ERMP1: variants seen among roughly 807,000 people sequenced by gnomAD.
ERMP1 encodes Felix-ina.
Under a neutral mutation model 92.0 loss-of-function variants are expected in ERMP1, and 86 were observed. The observed-to-expected ratio is 0.93, with a 90% CI of 0.79 to 1.12. ERMP1 has a LOEUF of 1.12. Ranked by LOEUF, ERMP1 falls within the 50% of genes most tolerant of loss-of-function variation. The pLI is 0.00. For missense variants in ERMP1, 1,342 were observed against 1,116.3 expected (o/e 1.20, Z -2.88); for synonymous variants, 530 against 412.8 (o/e 1.28, Z -3.44).
At chr9:5,816,356 A>T (rs1344344922) in intron 4 of ERMP1, among the ~76,000 whole-genome samples, 2 of 152,182 alleles carry the variant, frequency 1.3e-5, no homozygotes, top group Non-Finnish European at 2.9e-5. Context: ...TTTATCTGAG[A>T]TGATCATCCT....
chr9:5,852,738 G>A (rs1157837894), intron 6 of ERMP1, among the ~76,000 whole-genome samples: 2 of 151,282 alleles, frequency 1.3e-5, no homozygotes, highest in African/African-American at 2.4e-5. Flanking sequence ...AACCTTGTAT[G>A]TATTTTAATA....
chr9:5,800,082 GT>G (rs1828610272), intron 11 of ERMP1, among the ~76,000 whole-genome samples: 1 of 152,084 alleles, frequency 6.6e-6, no homozygotes, highest in Non-Finnish European at 1.5e-5. Flanking sequence ...GCTAGATTAG[GT>G]TAGATGTGAC....
chr9:5,833,114 T>G lies in ERMP1; in HGVS notation c.-87A>C. 5.0e-6 allele frequency: 6 copies of G among 1,199,082 alleles called. No homozygotes were observed. The highest frequency in any genetic ancestry group is 6.6e-6 in the Non-Finnish European group (6 of 910,514). The allele number at this position is 1,199,082 out of a possible 1,614,324, so 74.3% of individuals were successfully genotyped here. ...ACGCCGCCGTCGCTGCCGCAGCGCC[T>G]CCTAGTGAGCGGACGGAAACTGCAG... On this transcript the variant is annotated 5_prime_UTR_variant, in exon 1 of 15. Coordinates refer to ENST00000339450, the MANE Select transcript of ERMP1 (RefSeq NM_024896.3).
At chr9:5,827,080 T>G (rs1829755518) in intron 2 of ERMP1, among the ~76,000 whole-genome samples, 1 of 152,184 alleles carries the variant, frequency 6.6e-6, no homozygotes, top group Non-Finnish European at 1.5e-5. Context: ...ACCAACGACC[T>G]GGAACCACAC....
chr9:5,834,707 G>A (rs943169563), upstream of ERMP1, among the ~76,000 whole-genome samples: 17 of 137,662 alleles, frequency 1.2e-4, no homozygotes, highest in African/African-American at 5.4e-4. Context: ...GTATATATGT[G>A]TGTGTGTGTG....
upstream of ERMP1, among the ~76,000 whole-genome samples, chr9:5,838,024 A>G (rs937575343): frequency 6.6e-6 from 1 of 152,166 alleles, no homozygotes; most frequent in African/African-American, 2.4e-5. Flanking sequence ...CAAAAGGCAC[A>G]TGGGCCAGGA....
At chr9:5,801,945 G>C (rs1331707069) in intron 10 of ERMP1, among the ~76,000 whole-genome samples, 2 of 152,138 alleles carry the variant, frequency 1.3e-5, no homozygotes, top group African/African-American at 4.8e-5. Context: ...TTGGCATCTA[G>C]AAAATCCTAA....
chr9:5,812,040 C>T (rs1245326887), intron 6 of ERMP1, 85 bp downstream of exon 6: 1 of 844,758 alleles, frequency 1.2e-6, no homozygotes, highest in Non-Finnish European at 1.9e-6. Context: ...CTCTAATGCA[C>T]AGGCCACAGA....
chr9:5,801,078 C>G, intron 11 of ERMP1, 98 bp downstream of exon 11: 2 of 1,299,374 alleles, frequency 1.5e-6, no homozygotes, highest in Non-Finnish European at 2.1e-6. Context: ...AATAGGTCAA[C>G]AGCAGAAAAG....
chr9:5,801,470 T>C (rs1053576794), intron 10 of ERMP1, 142 bp from the exon 11 acceptor site: 2 of 664,108 alleles, frequency 3.0e-6, no homozygotes, highest in East Asian at 3.0e-5. Context: ...TACTCTAACA[T>C]CTAGTAAACA....
chr9:5,829,746 G>A (rs549735020), intron 2 of ERMP1, among the ~76,000 whole-genome samples: 5 of 152,268 alleles, frequency 3.3e-5, no homozygotes, highest in South Asian at 2.1e-4. Flanking sequence ...TCTGATCAGC[G>A]ATGACCAGCT....
chr9:5,854,867 A>G (rs1247057301), intron 6 of ERMP1, among the ~76,000 whole-genome samples: 1 of 152,146 alleles, frequency 6.6e-6, no homozygotes. Context: ...ATCTTTCAAC[A>G]TTTATGTAGG....
chr9:5,838,310 G>C (rs1354483648), intron 6 of ERMP1, among the ~76,000 whole-genome samples: 3 of 152,132 alleles, frequency 2.0e-5, no homozygotes, highest in East Asian at 3.9e-4. Flanking sequence ...GGAAGGTCGA[G>C]GGGGGTGAAT....
chr9:5,858,391 A>C (rs937808992), intron 6 of ERMP1, among the ~76,000 whole-genome samples: 24 of 152,230 alleles, frequency 1.6e-4, no homozygotes, highest in African/African-American at 5.1e-4. Context: ...TACGAGGACA[A>C]GCAAGACTTG....
At chr9:5,852,858 A>C (rs558133105) in intron 6 of ERMP1, among the ~76,000 whole-genome samples, 9 of 152,282 alleles carry the variant, frequency 5.9e-5, no homozygotes, top group Admixed American at 5.2e-4. Flanking sequence ...AAATGAGATA[A>C]AAATCCTTTC....
Position 5,864,546 on chromosome 9 carries a change from C to G in ERMP1, n.3055+3256G>C, listed in dbSNP as rs191453989. Reference sequence around the variant, plus strand: ...GGGAGGGGGGCGAGCGGGTATTTGACCCTTCTAAAAGCCTCAAGTGAAGGG... The same window carrying G: ...GGGAGGGGGGCGAGCGGGTATTTGAGCCTTCTAAAAGCCTCAAGTGAAGGG... On this transcript the variant is annotated intron_variant and non_coding_transcript_variant, in intron 5 of 6. Coordinates refer to the ERMP1 transcript ENST00000690753. Among the ~76,000 whole-genome samples the G allele has an allele frequency of 3.9e-5, 6 of 152,308 alleles. No individual in the cohort carries two copies. In the East Asian group the frequency reaches 1.2e-3, roughly 29 times the overall value.
chr9:5,784,973 T>A lies in ERMP1; in HGVS notation c.*2171A>T, dbSNP rs564387683. ...ATGATCACTCTTTAAAAATTTTTTT[T>A]AATCTCAGAATCTACTAATGTGACA... On this transcript the variant is annotated 3_prime_UTR_variant, in exon 15 of 15. Transcript: ENST00000339450. The A allele has an allele frequency of 2.6e-4, 40 of 152,304 alleles. No homozygotes were observed. Among genetic ancestry groups the A allele is most frequent in the Admixed American group, 9.8e-4 (15 of 15,304 alleles). 9.4% of individuals were successfully genotyped at this position (152,304 alleles called of 1,614,324 possible).
At chr9:5,798,768 GAACA>G in intron 12 of ERMP1, 34 bp downstream of exon 12, 6 of 1,399,166 alleles carry the variant, frequency 4.3e-6, no homozygotes, top group Non-Finnish European at 6.1e-6. Context: ...CAAGACTTGA[GAACA>G]AACTAACCTT....
intron 6 of ERMP1, among the ~76,000 whole-genome samples, chr9:5,859,081 A>G (rs759599694): frequency 2.6e-5 from 4 of 152,200 alleles, no homozygotes; most frequent in African/African-American, 4.8e-5. Context: ...CACGGCTAGC[A>G]AGAGGTGAAT....
Sources: gnomAD v4.1 joint callset for allele counts (sites outside exome capture counted in the v4.1 genomes callset) on GRCh38, gnomAD v4.1.1 for gene constraint, MANE v1.5 for transcripts, NCBI Gene and HGNC (gene_info 2026-07-23, HGNC 2026-07-21) for gene names.